The following VPS8 variants were observed in gnomAD, a reference collection of about 807,000 sequenced individuals.
VPS8 encodes VPS8 subunit of CORVET complex.
A neutral mutation model predicts 216.4 loss-of-function variants in VPS8; 129 were observed. The ratio of observed to expected loss-of-function variants is 0.60; its 90% CI spans 0.52 to 0.69. VPS8 has a LOEUF of 0.69. Among genes scored for constraint, VPS8 ranks in the 30% least tolerant of loss-of-function variants. The pLI is 0.00. For synonymous variants in VPS8, 571 were observed against 565.4 expected, an observed-to-expected ratio of 1.01 and a Z score of -0.14; for missense variants, 1,531 against 1,683.5, an observed-to-expected ratio of 0.91 and a Z score of 1.59.
chr3:184,924,422 C>T (rs753579639), intron 29 of VPS8, among the ~76,000 whole-genome samples: 2 of 151,996 alleles, frequency 1.3e-5, no homozygotes, highest in Non-Finnish European at 2.9e-5. Flanking sequence ...GAGGCTGAGG[C>T]AGGAGAATCA....
At chr3:184,821,212 T>G (rs1717509091) in intron 1 of VPS8, among the ~76,000 whole-genome samples, 1 of 152,152 alleles carries the variant, frequency 6.6e-6, no homozygotes, top group Non-Finnish European at 1.5e-5. Context: ...CAATTTTAAG[T>G]GCTAAAAGAA....
chr3:185,012,949 G>A (rs1046136883), intron 45 of VPS8, among the ~76,000 whole-genome samples: 2 of 152,276 alleles, frequency 1.3e-5, no homozygotes, highest in South Asian at 4.1e-4. Context: ...ATAGATTATA[G>A]ATTAGCTAAA....
At chr3:184,926,545 T>C in intron 30 of VPS8, 49 bp from the exon 31 acceptor site, 1 of 1,516,824 alleles carries the variant, frequency 6.6e-7, no homozygotes, top group South Asian at 1.2e-5. Flanking sequence ...ATGAGAGTAT[T>C]AATGTCTAGA....
chr3:184,994,029 T>C lies in VPS8; in HGVS notation c.3632T>C (p.Ile1211Thr), dbSNP rs745640553. Residue 1211 changes from isoleucine to threonine, a missense_variant, in exon 43 of 48, where the codon ATC becomes ACC. By Grantham distance (89) the Ile-to-Thr change is moderately conservative. Transcript: ENST00000625842. ...AAACTTGGAGAAATCCAGGGACTTA[T>C]CTTGGGAATGTTAGATACCTTTAAC... ...KGKLGEIQGL[I>T]LGMLDTFNYE... The C allele has an allele frequency of 3.2e-6, 5 of 1,570,658 alleles. No homozygotes were observed. The highest frequency in any genetic ancestry group is 2.7e-5 in the African/African-American group (2 of 73,894).
rs139438919 is a variant in VPS8 at position 184,963,057 on chromosome 3, C to T, written c.3184-1411C>T. On this transcript the variant is annotated intron_variant, in intron 37 of 47. Transcript: ENST00000625842. Reference sequence around the variant, plus strand: ...GTTGTCTTTCCCTATATCCATACCACATATTTTAATTAATACAGCTTTTCA... The same window carrying T: ...GTTGTCTTTCCCTATATCCATACCATATATTTTAATTAATACAGCTTTTCA... Among the ~76,000 whole-genome samples the T allele has an allele frequency of 2.0e-3, 308 of 152,214 alleles. 4 individuals are homozygous for T. In the East Asian group the frequency reaches 0.046, roughly 23 times the overall value.
chr3:184,851,953 T>C (rs979350452), intron 10 of VPS8, among the ~76,000 whole-genome samples: 15 of 152,226 alleles, frequency 9.9e-5, no homozygotes, highest in Admixed American at 5.2e-4. Flanking sequence ...TAGTGATAAC[T>C]GAAGTATATG....
intron 42 of VPS8, among the ~76,000 whole-genome samples, chr3:184,986,725 A>G (rs1751146909): frequency 6.6e-6 from 1 of 152,232 alleles, no homozygotes; most frequent in Non-Finnish European, 1.5e-5. Context: ...AGCAAGCCTC[A>G]GTTACACAAC....
At chr3:184,890,101 A>T (rs1478239015) in intron 22 of VPS8, among the ~76,000 whole-genome samples, 1 of 152,214 alleles carries the variant, frequency 6.6e-6, no homozygotes, top group East Asian at 1.9e-4. Context: ...GAGGATTGTC[A>T]GATGTAAGTA....
chr3:184,948,404 T>C (rs1744076701), intron 36 of VPS8, among the ~76,000 whole-genome samples: 2 of 152,098 alleles, frequency 1.3e-5, no homozygotes, highest in Non-Finnish European at 2.9e-5. Flanking sequence ...TAATCCCAGC[T>C]ATTCAGGAGG....
At chr3:184,915,117 A>G in intron 27 of VPS8, 64 bp downstream of exon 27, 2 of 1,567,190 alleles carry the variant, frequency 1.3e-6, no homozygotes, top group South Asian at 1.1e-5. Flanking sequence ...ACTGAAGACA[A>G]ATTGCAGTTG....
chr3:185,001,287 A>G (rs1208704239), intron 45 of VPS8, among the ~76,000 whole-genome samples: 3 of 152,196 alleles, frequency 2.0e-5, no homozygotes, highest in Non-Finnish European at 2.9e-5. Flanking sequence ...GCCAGTCACA[A>G]ACAAAGTACT....
chr3:184,881,160 A>G lies in VPS8; in HGVS notation c.1735-4950A>G, dbSNP rs560834276. Among the ~76,000 whole-genome samples, 17 of 152,262 alleles carry G rather than the reference A, an allele frequency of 1.1e-4. No individual in the cohort carries two copies. In the South Asian group the frequency reaches 1.7e-3, roughly 15 times the overall value. On this transcript the variant is annotated intron_variant, in intron 21 of 47. Coordinates refer to ENST00000625842, the MANE Select transcript of VPS8 (RefSeq NM_001009921.3). ...AAGGTTTTAATTGTGATGAAATCCA[A>G]TTTATCAGCTTTTCCTTGTATGATT... is the stretch of plus-strand genomic sequence containing the variant.
In VPS8 at chr3:184,826,159, T is replaced by G. The variant is rs955879631; in HGVS notation, c.154-4T>G. The G allele has an allele frequency of 1.9e-6, 3 of 1,603,674 alleles. No homozygotes were observed. Among genetic ancestry groups the G allele is most frequent in the Admixed American group, 1.7e-5 (1 of 59,190 alleles). ...TGTGAGCACTATTTTTTTTCTTTAT[T>G]TAGATTGATGACAAGGAGTTTGATA... On this transcript the variant is annotated splice_polypyrimidine_tract_variant and splice_region_variant and intron_variant, in intron 2 of 47. Coordinates refer to ENST00000625842, the MANE Select transcript of VPS8 (RefSeq NM_001009921.3).
intron 37 of VPS8, among the ~76,000 whole-genome samples, chr3:184,963,252 A>T (rs1189348812): frequency 6.6e-6 from 1 of 152,162 alleles, no homozygotes; most frequent in Non-Finnish European, 1.5e-5. Context: ...TTATGAATAC[A>T]TTGAATTTAT....
At position 184,982,610 on chromosome 3, in the gene VPS8, G is replaced by T; in HGVS notation, c.3465G>T (p.Lys1155Asn). ...TGGAGGCAATGATGGCCCCTCAGAA[G>T]CTGTCCAGTTCAGCCATTCCTCATC... ...PLLEAMMAPQ[K>N]LSSSAIPHLH... Residue 1155 changes from lysine (K) to asparagine (N), a missense_variant, in exon 41 of 48, where the codon AAG (lysine) becomes AAT (asparagine). Physicochemically the swap from Lys to Asn is moderately conservative, Grantham distance 94 (BLOSUM62 0). Around this residue, in one of 3 missense-constraint regions of VPS8, gnomAD observed 1,318 missense variants for 1,468.4 expected, o/e 0.90. Transcript: ENST00000625842. 1 of 1,611,600 alleles carries T rather than the reference G, an allele frequency of 6.2e-7. No homozygotes were observed. Among genetic ancestry groups the T allele is most frequent in the Non-Finnish European group, 8.5e-7 (1 of 1,179,068 alleles).
At chr3:184,832,983 A>G (rs1422186240) in intron 4 of VPS8, among the ~76,000 whole-genome samples, 164 bp downstream of exon 4, 1 of 152,148 alleles carries the variant, frequency 6.6e-6, no homozygotes, top group Non-Finnish European at 1.5e-5. Flanking sequence ...GGAAGAATGT[A>G]AAAGGGTAGG....
rs1738364946 is a variant in VPS8 at position 184,920,212 on chromosome 3, G to T, written c.2454+14G>T. On this transcript the variant is annotated intron_variant, in intron 29 of 47. Transcript: ENST00000625842. ...ATTTTGTTGAAAGTAAGTATTCAAA[G>T]AATACATGTCTTTATATTGATATTT... The T allele has an allele frequency of 2.0e-6, 3 of 1,484,330 alleles. No homozygotes were observed. Among genetic ancestry groups the T allele is most frequent in the African/African-American group, 2.8e-5 (2 of 70,944 alleles). The allele number at this position is 1,484,330 out of a possible 1,614,324, so 91.9% of individuals were successfully genotyped here.
intron 36 of VPS8, among the ~76,000 whole-genome samples, chr3:184,941,648 C>T (rs2109331765): frequency 6.6e-6 from 1 of 152,146 alleles, no homozygotes; most frequent in South Asian, 2.1e-4. Flanking sequence ...GCCAGCCCCA[C>T]TTCTCAGCCC....
At chr3:184,947,452 T>G (rs1743901150) in intron 36 of VPS8, among the ~76,000 whole-genome samples, 2 of 152,098 alleles carry the variant, frequency 1.3e-5, no homozygotes, top group African/African-American at 4.8e-5. Flanking sequence ...TTTGGGTACA[T>G]TGTCCCATAC....
Sources: gnomAD v4.1 joint callset for allele counts (sites outside exome capture counted in the v4.1 genomes callset) on GRCh38, gnomAD v4.1.1 for gene constraint, gnomAD v4.1.1 regional missense constraint, MANE v1.5 for transcripts, NCBI Gene and HGNC (gene_info 2026-07-23, HGNC 2026-07-21) for gene names.